The following WWOX variants were observed in gnomAD, a reference collection of about 807,000 sequenced individuals.
WWOX encodes WW domain-containing oxidoreductase.
Under a neutral mutation model 46.2 loss-of-function variants are expected in WWOX, and 69 were observed. That is an observed-to-expected ratio of 1.49 (90% CI 1.23 to 1.82). The LOEUF (loss-of-function observed/expected upper bound fraction) is 1.82. Among genes scored for constraint, WWOX ranks in the 40% most tolerant of loss-of-function variants. The pLI is 0.00. For missense variants in WWOX, 919 were observed against 542.6 expected (o/e 1.69, Z -6.89); for synonymous variants, 359 against 202.6 (o/e 1.77, Z -6.56).
rs146003365 is a variant in WWOX at position 78,499,580 on chromosome 16, C to A, written c.1056+66828C>A. On this transcript the variant is annotated intron_variant, in intron 8 of 8. Transcript: ENST00000566780. Reference sequence around the variant, plus strand: ...CGGGCGGTGGACGGGCTTCCTGCCTCCTGGCCCAGGGCCCCTTTGCCGGCT... The same window carrying A: ...CGGGCGGTGGACGGGCTTCCTGCCTACTGGCCCAGGGCCCCTTTGCCGGCT... 2.1e-3 allele frequency among the ~76,000 whole-genome samples: 326 copies of A among 152,364 alleles called. 1 individual carries two copies. Among genetic ancestry groups the A allele is most frequent in the Non-Finnish European group, 3.2e-3 (215 of 68,036 alleles).
At chr16:78,104,334 C>T (rs917765347) in intron 1 of WWOX, among the ~76,000 whole-genome samples, 6 of 90,340 alleles carry the variant, frequency 6.6e-5, no homozygotes, top group South Asian at 3.6e-4. Flanking sequence ...AAAAAACACA[C>T]GCACGCACGC....
At chr16:79,083,511 T>C (rs7189602) in intron 8 of WWOX, among the ~76,000 whole-genome samples, 17,460 of 152,190 alleles carry the variant, frequency 0.11, 2,616 homozygotes, top group African/African-American at 0.35. Context: ...CTATCTCACC[T>C]GACACAAACG....
intron 8 of WWOX, among the ~76,000 whole-genome samples, chr16:79,167,520 T>G (rs992175828): frequency 7.2e-5 from 11 of 152,110 alleles, no homozygotes; most frequent in Non-Finnish European, 1.3e-4. Flanking sequence ...TGACCTGCAC[T>G]AGATGTTTTG....
Position 79,026,262 on chromosome 16 carries a change from C to T in WWOX, c.1057-185346C>T, listed in dbSNP as rs552403015. On this transcript the variant is annotated intron_variant, in intron 8 of 8. Transcript: ENST00000566780. ...CCTTCTCTGTGCTTTAGTCACCCTA[C>T]CCTCGGTCAACTCCTAACTCCTGCC... 7.3e-5 allele frequency among the ~76,000 whole-genome samples: 11 copies of T among 151,652 alleles called. No homozygotes were observed. The South Asian group carries it at 8.3e-4, about 11-fold the overall frequency.
chr16:78,319,090 G>C (rs1455632078), intron 5 of WWOX, among the ~76,000 whole-genome samples: 1 of 152,108 alleles, frequency 6.6e-6, no homozygotes, highest in Non-Finnish European at 1.5e-5. Context: ...CTAAAAGGGG[G>C]AGAGAGAGTC....
intron 8 of WWOX, among the ~76,000 whole-genome samples, chr16:78,536,407 G>A (rs964493056): frequency 2.0e-5 from 3 of 151,970 alleles, no homozygotes; most frequent in South Asian, 4.2e-4. Flanking sequence ...AATCTGCCCC[G>A]GGGTCCTGTG....
At chr16:78,424,123 T>TTG (rs1235932302) in intron 6 of WWOX, among the ~76,000 whole-genome samples, 2 of 118,204 alleles carry the variant, frequency 1.7e-5, no homozygotes, top group Middle Eastern at 4.3e-3. Flanking sequence ...TTTTTTTGTT[T>TTG]TTTTTTTTTT....
At chr16:78,169,600 A>C (rs1296189621) in intron 5 of WWOX, among the ~76,000 whole-genome samples, 8 of 151,604 alleles carry the variant, frequency 5.3e-5, no homozygotes, top group Non-Finnish European at 2.9e-5. Flanking sequence ...TGGGGCTCTG[A>C]GTTCCTCCTT....
chr16:78,923,257 A>G (rs754633686), intron 8 of WWOX, among the ~76,000 whole-genome samples: 1 of 152,178 alleles, frequency 6.6e-6, no homozygotes, highest in East Asian at 1.9e-4. Flanking sequence ...CTGGGATTAC[A>G]GGCTTGAGCC....
rs2038232901 is a variant in WWOX, at chr16:78,259,922, AT to A, written c.516+95637del. 3.3e-5 allele frequency among the ~76,000 whole-genome samples: 5 copies of A among 151,460 alleles called. No individual in the cohort carries two copies. In the South Asian group the frequency reaches 1.0e-3, roughly 31 times the overall value. On this transcript the variant is annotated intron_variant, in intron 5 of 8. Coordinates refer to ENST00000566780, the MANE Select transcript of WWOX (RefSeq NM_016373.4). Reference sequence around the variant, plus strand: ...ACTTAAAATATTTAACAATTGAGTTATTTTATGATGATCTAAACTGCATAGG... The same window carrying A: ...ACTTAAAATATTTAACAATTGAGTTATTTATGATGATCTAAACTGCATAGG...
intron 8 of WWOX, among the ~76,000 whole-genome samples, chr16:79,052,247 A>T (rs972839393): frequency 2.2e-4 from 30 of 135,850 alleles, no homozygotes; most frequent in Non-Finnish European, 2.9e-4. Context: ...TGTCCATGTG[A>T]TCTCATTGTT....
At position 78,945,189 on chromosome 16, in the gene WWOX, AAAAG is replaced by A. The variant is rs1281571175; in HGVS notation, c.1057-266415_1057-266412del. Among the ~76,000 whole-genome samples the A allele has an allele frequency of 8.5e-5, 13 of 152,304 alleles. No individual in the cohort carries two copies. In the East Asian group the frequency reaches 1.2e-3, roughly 14 times the overall value. ...AGTGACACCCTGTGTCAAAAAAAGA[AAAAG>A]AAAAAGAAAGAAAAAGCTTTGCCTG... On this transcript the variant is annotated intron_variant, in intron 8 of 8. Coordinates refer to ENST00000566780, the MANE Select transcript of WWOX (RefSeq NM_016373.4).
intron 8 of WWOX, among the ~76,000 whole-genome samples, chr16:78,791,704 C>T (rs1001388304): frequency 6.6e-6 from 1 of 151,996 alleles, no homozygotes; most frequent in Admixed American, 6.6e-5. Flanking sequence ...ATGATGAAAC[C>T]CCGTCTCTAC....
At chr16:78,478,068 A>G (rs2084394527) in intron 8 of WWOX, among the ~76,000 whole-genome samples, 1 of 152,222 alleles carries the variant, frequency 6.6e-6, no homozygotes, top group African/African-American at 2.4e-5. Context: ...CAATAAGAAC[A>G]CAAAATATGG....
intron 8 of WWOX, among the ~76,000 whole-genome samples, chr16:78,988,793 T>C (rs924118089): frequency 3.3e-5 from 5 of 152,130 alleles, no homozygotes; most frequent in South Asian, 2.1e-4. Context: ...TGTGCCCCAC[T>C]CCCAGCCTGT....
chr16:78,263,996 C>CTTTTTTTCTTTTT (rs2079304908), intron 5 of WWOX, among the ~76,000 whole-genome samples: 1 of 78,816 alleles, frequency 1.3e-5, no homozygotes, highest in Non-Finnish European at 2.2e-5. Flanking sequence ...GCTGTGAAAT[C>CTTTTTTTCTTTTT]TTTTTTTTTT....
At chr16:78,859,157 G>C (rs562469630) in intron 8 of WWOX, among the ~76,000 whole-genome samples, 14 of 150,094 alleles carry the variant, frequency 9.3e-5, no homozygotes, top group Admixed American at 3.3e-4. Flanking sequence ...CTGAGACACT[G>C]GGGAGAACCC....
At chr16:78,396,173 C>G (rs1192057001) in intron 6 of WWOX, among the ~76,000 whole-genome samples, 1 of 152,190 alleles carries the variant, frequency 6.6e-6, no homozygotes, top group Non-Finnish European at 1.5e-5. Flanking sequence ...TACCTTATTT[C>G]TTTCTTACAG....
In WWOX at chr16:78,266,332, C is replaced by T. The variant is rs7188678; in HGVS notation, c.516+102043C>T. On this transcript the variant is annotated intron_variant, in intron 5 of 8. Coordinates refer to ENST00000566780, the MANE Select transcript of WWOX (RefSeq NM_016373.4). ...CTGAAGTAGTTTTATTGGAACACAG[C>T]CCTACACACCTTCATTTATAAGCTA... Among the ~76,000 whole-genome samples the T allele has an allele frequency of 3.3e-3, 500 of 152,284 alleles. 2 individuals carry two copies. Among genetic ancestry groups the T allele is most frequent in the African/African-American group, 0.011 (471 of 41,556 alleles).
Sources: allele counts gnomAD v4.1 joint callset (sites outside exome capture counted in the v4.1 genomes callset), GRCh38; gene constraint gnomAD v4.1.1; transcripts MANE v1.5; gene names NCBI Gene and HGNC (gene_info 2026-07-23, HGNC 2026-07-21).